Variants in GRIP1 observed in about 807,000 individuals in gnomAD.
GRIP1 encodes the protein glutamate receptor interacting protein 1.
In GRIP1, 45 loss-of-function variants were observed where a neutral mutation model predicts 129.9. The ratio of observed to expected loss-of-function variants is 0.35; its 90% CI spans 0.27 to 0.44. The LOEUF (loss-of-function observed/expected upper bound fraction) is 0.44. Ranked by LOEUF, GRIP1 falls within the 20% of genes least tolerant of loss-of-function variation. The pLI is 1.00. For missense variants in GRIP1, 1,196 were observed against 1,396.8 expected, an observed-to-expected ratio of 0.86 and a Z score of 2.29; for synonymous variants, 530 against 520.8, an observed-to-expected ratio of 1.02 and a Z score of -0.24.
At chr12:66,593,100 C>A (rs1443529824) in intron 2 of GRIP1, among the ~76,000 whole-genome samples, 1 of 152,040 alleles carries the variant, frequency 6.6e-6, no homozygotes, top group Non-Finnish European at 1.5e-5. Context: ...TTTCATTAAA[C>A]CTTATGGAAA....
chr12:66,920,632 A>C (rs1258068472), intron 1 of GRIP1, among the ~76,000 whole-genome samples: 1 of 152,186 alleles, frequency 6.6e-6, no homozygotes, highest in Non-Finnish European at 1.5e-5. Flanking sequence ...CAGGTCACTG[A>C]TTACTCTTAA....
chr12:66,876,786 G>A (rs2040390787), intron 1 of GRIP1, among the ~76,000 whole-genome samples: 1 of 151,962 alleles, frequency 6.6e-6, no homozygotes, highest in Non-Finnish European at 1.5e-5. Flanking sequence ...GCATTTGGTA[G>A]GCAAAGTTCA....
chr12:66,429,403 C>T (rs1355914237), intron 14 of GRIP1, among the ~76,000 whole-genome samples: 1 of 152,142 alleles, frequency 6.6e-6, no homozygotes, highest in African/African-American at 2.4e-5. Context: ...TGGAGCTGTG[C>T]TTAAAATATT....
intron 9 of GRIP1, among the ~76,000 whole-genome samples, chr12:66,458,596 G>A (rs1208795222): frequency 1.4e-4 from 21 of 152,104 alleles, no homozygotes; most frequent in Admixed American, 1.3e-3. Context: ...TGTTAGCCAG[G>A]CTGGTCTCAA....
chr12:66,437,501 A>C (rs2058345683), intron 13 of GRIP1, among the ~76,000 whole-genome samples: 1 of 152,214 alleles, frequency 6.6e-6, no homozygotes, highest in African/African-American at 2.4e-5. Flanking sequence ...TGGAACAATC[A>C]AGGGCAGTGG....
At chr12:66,657,277 A>G (rs2033216325) in intron 1 of GRIP1, among the ~76,000 whole-genome samples, 1 of 151,440 alleles carries the variant, frequency 6.6e-6, no homozygotes, top group South Asian at 2.1e-4. Flanking sequence ...CTGAAGGAGG[A>G]CCCTCCCCAC....
At chr12:66,986,662 A>G (rs2042316373) in intron 1 of GRIP1, among the ~76,000 whole-genome samples, 1 of 123,044 alleles carries the variant, frequency 8.1e-6, no homozygotes, top group Non-Finnish European at 1.6e-5. Flanking sequence ...GGAACATCAC[A>G]CTCTGGGGAC....
chr12:66,627,203 G>A (rs1336625631), intron 1 of GRIP1, among the ~76,000 whole-genome samples: 5 of 151,814 alleles, frequency 3.3e-5, no homozygotes, highest in Admixed American at 6.6e-5. Flanking sequence ...GGTAGATTCC[G>A]GTGCCTATCC....
chr12:66,980,752 A>T (rs1592424120), intron 1 of GRIP1, among the ~76,000 whole-genome samples: 2 of 152,236 alleles, frequency 1.3e-5, no homozygotes, highest in Non-Finnish European at 2.9e-5. Flanking sequence ...TGATGACCCC[A>T]GGCAGACTGA....
chr12:66,541,709 T>G, intron 3 of GRIP1, 106 bp downstream of exon 3: 2 of 1,161,616 alleles, frequency 1.7e-6, no homozygotes, highest in South Asian at 2.5e-5. Context: ...GCCTGGCAGA[T>G]GGCAGCTGTC....
chr12:66,894,561 G>C (rs1216605337), intron 1 of GRIP1, among the ~76,000 whole-genome samples: 2 of 152,172 alleles, frequency 1.3e-5, no homozygotes, highest in Non-Finnish European at 2.9e-5. Flanking sequence ...CTGTATCCCA[G>C]TGTGTGCTGA....
intron 1 of GRIP1, among the ~76,000 whole-genome samples, chr12:66,886,320 G>T (rs764200358): frequency 3.2e-4 from 49 of 151,952 alleles, no homozygotes; most frequent in Non-Finnish European, 5.0e-4. Context: ...GGCTTTTAAG[G>T]TAAAAATGCT....
chr12:66,489,599 T>G (rs1371371305), intron 7 of GRIP1, among the ~76,000 whole-genome samples: 1 of 152,144 alleles, frequency 6.6e-6, no homozygotes, highest in Non-Finnish European at 1.5e-5. Context: ...CAACATAGTA[T>G]TGGAAGTTCT....
At chr12:67,044,116 T>C (rs1214391203) in intron 1 of GRIP1, among the ~76,000 whole-genome samples, 1 of 152,210 alleles carries the variant, frequency 6.6e-6, no homozygotes, top group Non-Finnish European at 1.5e-5. Context: ...ACCACACTAA[T>C]GCTTAGAGAA....
At chr12:66,722,370 C>T (rs993391711) in intron 1 of GRIP1, among the ~76,000 whole-genome samples, 3 of 152,076 alleles carry the variant, frequency 2.0e-5, no homozygotes, top group African/African-American at 7.2e-5. Context: ...GGGAGACAGA[C>T]AGGGAAACAA....
Position 66,405,303 on chromosome 12 carries a change from G to A in GRIP1, c.1984+980C>T, listed in dbSNP as rs114049634. Among the ~76,000 whole-genome samples, 865 of 152,222 alleles carry A rather than the reference G, an allele frequency of 5.7e-3. 6 individuals are homozygous for A. Among genetic ancestry groups the A allele is most frequent in the African/African-American group, 0.019 (806 of 41,536 alleles). On this transcript the variant is annotated intron_variant, in intron 16 of 24. Coordinates refer to ENST00000359742, the MANE Select transcript of GRIP1 (RefSeq NM_001366722.1). ...TAGGAAAGGCCTTGACTTTACCCACGAGATTGGCAAAATTGTAAATTAAAC... is the reference window on the plus strand; with the variant it reads ...TAGGAAAGGCCTTGACTTTACCCACAAGATTGGCAAAATTGTAAATTAAAC...
At chr12:66,446,080 T>C (rs1364240593) in intron 11 of GRIP1, among the ~76,000 whole-genome samples, 2 of 150,292 alleles carry the variant, frequency 1.3e-5, no homozygotes, top group Non-Finnish European at 2.9e-5. Flanking sequence ...GTTTAAACTC[T>C]GTACATTCCT....
chr12:66,398,882 G>A lies in GRIP1; in HGVS notation c.1985-4530C>T, dbSNP rs187070091. On this transcript the variant is annotated intron_variant, in intron 16 of 24. Coordinates refer to ENST00000359742, the MANE Select transcript of GRIP1 (RefSeq NM_001366722.1). ...TTTCACTCTATGTTTTAAGGATCTCGCTACTTGGTTCTTCATTAGAATAAG... is the reference window on the plus strand; with the variant it reads ...TTTCACTCTATGTTTTAAGGATCTCACTACTTGGTTCTTCATTAGAATAAG... Among the ~76,000 whole-genome samples, 760 of 151,962 alleles carry A rather than the reference G, an allele frequency of 5.0e-3. 2 individuals are homozygous for A. The highest frequency in any genetic ancestry group is 8.0e-3 in the Non-Finnish European group (542 of 68,016).
chr12:66,926,351 C>G (rs551536787), intron 1 of GRIP1, among the ~76,000 whole-genome samples: 1 of 152,178 alleles, frequency 6.6e-6, no homozygotes, highest in Non-Finnish European at 1.5e-5. Flanking sequence ...TCAGGACTTA[C>G]GATACCCCCA....
Sources: gnomAD v4.1 joint callset for allele counts (sites outside exome capture counted in the v4.1 genomes callset) on GRCh38, gnomAD v4.1.1 for gene constraint, MANE v1.5 for transcripts, NCBI Gene and HGNC (gene_info 2026-07-23, HGNC 2026-07-21) for gene names.